Variants in KIF21A observed in about 807,000 individuals in gnomAD.
KIF21A encodes the protein kinesin-like protein KIF21A.
Under a neutral mutation model 202.9 loss-of-function variants are expected in KIF21A, and 114 were observed. The ratio of observed to expected loss-of-function variants is 0.56; its 90% CI spans 0.48 to 0.66. The LOEUF (loss-of-function observed/expected upper bound fraction) is 0.66, where lower values mean the gene tolerates loss of function less well. KIF21A is among the 30% of genes least tolerant of loss of function. The probability of loss-of-function intolerance (pLI) is 0.00; values close to 1 mark genes in which losing one functional copy is unlikely to be tolerated. For synonymous variants in KIF21A, 667 were observed against 670.8 expected (o/e 0.99, Z 0.09); for missense variants, 1,677 against 1,994.9 (o/e 0.84, Z 3.04).
chr12:39,341,182 C>G (rs957691982), intron 14 of KIF21A, 88 bp from the exon 15 acceptor site: 1 of 1,071,850 alleles, frequency 9.3e-7, no homozygotes, highest in Admixed American at 2.1e-5. Context: ...AAACCATCAA[C>G]TAGGTATTTT....
intron 10 of KIF21A, among the ~76,000 whole-genome samples, chr12:39,352,512 G>A (rs1407236712): frequency 6.6e-6 from 1 of 151,998 alleles, no homozygotes; most frequent in Non-Finnish European, 1.5e-5. Context: ...AGATGCCAGT[G>A]GTAATTAGAT....
intron 12 of KIF21A, 112 bp from the exon 13 acceptor site, chr12:39,342,236 G>A (rs1395012963): frequency 2.6e-6 from 2 of 769,426 alleles, no homozygotes; most frequent in East Asian, 2.7e-5. Flanking sequence ...AACTTTAAAT[G>A]TTGGTCACTT....
chr12:39,368,807 A>C (rs1949772445), intron 3 of KIF21A, among the ~76,000 whole-genome samples: 1 of 152,050 alleles, frequency 6.6e-6, no homozygotes. Flanking sequence ...TTCATCAATG[A>C]TGAAAATGAT....
At chr12:39,370,849 A>C (rs868393287) in intron 1 of KIF21A, among the ~76,000 whole-genome samples, 9 of 152,148 alleles carry the variant, frequency 5.9e-5, no homozygotes, top group Admixed American at 2.6e-4. Context: ...ATGTCCTACT[A>C]TATTGATTTG....
At chr12:39,309,115 C>G (rs756812071) in intron 33 of KIF21A, among the ~76,000 whole-genome samples, 31 of 152,132 alleles carry the variant, frequency 2.0e-4, no homozygotes, top group Non-Finnish European at 3.5e-4. Context: ...AATTTGTACT[C>G]ACACCAAAGC....
intron 11 of KIF21A, 77 bp downstream of exon 11, chr12:39,351,700 A>G (rs1948393856): frequency 1.2e-6 from 1 of 853,598 alleles, no homozygotes; most frequent in African/African-American, 1.7e-5. Context: ...GAGACTATGT[A>G]TGCTCTTTAT....
chr12:39,407,115 C>G (rs1244873471), intron 1 of KIF21A, among the ~76,000 whole-genome samples: 1 of 152,184 alleles, frequency 6.6e-6, no homozygotes, highest in East Asian at 1.9e-4. Context: ...ATTATTCCTT[C>G]CAGCTCCTGC....
intron 1 of KIF21A, among the ~76,000 whole-genome samples, chr12:39,425,100 T>C (rs73088817): frequency 6.6e-6 from 1 of 152,176 alleles, no homozygotes; most frequent in African/African-American, 2.4e-5. Context: ...TTTGCTGGAA[T>C]GCTGTTCTCT....
At chr12:39,334,688 G>T (rs1350530622) in intron 17 of KIF21A, among the ~76,000 whole-genome samples, 3 of 152,028 alleles carry the variant, frequency 2.0e-5, no homozygotes, top group Non-Finnish European at 4.4e-5. Context: ...CTTTCTAAGG[G>T]TTCAAAGATG....
intron 10 of KIF21A, 123 bp downstream of exon 10, chr12:39,356,709 C>T (rs944927544): frequency 1.7e-6 from 1 of 584,624 alleles, no homozygotes; most frequent in African/African-American, 1.9e-5. Flanking sequence ...GTTAACCTAA[C>T]CAAAGGGCTG....
In KIF21A at chr12:39,351,886, T is replaced by A; in HGVS notation, c.1564A>T (p.Thr522Ser). 6.2e-7 allele frequency: 1 copy of A among 1,613,230 alleles called. No homozygotes were observed. Among genetic ancestry groups the A allele is most frequent in the Non-Finnish European group, 8.5e-7 (1 of 1,179,350 alleles). ...GAGGATAGTATGGTAGGAGAAAAAG[T>A]TGATGATCCGCTGAAATATGGCGCT... ...ARAPYFSGSS[T>S]FSPTILSSDK... The change falls in exon 11 of 38, where the codon ACT becomes TCT. Residue 522 changes from threonine to serine, a missense_variant. Thr to Ser is a moderately conservative substitution (Grantham distance 58). Coordinates refer to ENST00000361418, the MANE Select transcript of KIF21A (RefSeq NM_001173464.2).
At chr12:39,423,928 G>C (rs1342373855) in intron 1 of KIF21A, among the ~76,000 whole-genome samples, 1 of 138,664 alleles carries the variant, frequency 7.2e-6, no homozygotes, top group East Asian at 2.3e-4. Context: ...AGGTTGCAGT[G>C]AGCCGAGATT....
At chr12:39,396,249 C>T (rs1951751578) in intron 1 of KIF21A, among the ~76,000 whole-genome samples, 1 of 152,138 alleles carries the variant, frequency 6.6e-6, no homozygotes, top group Non-Finnish European at 1.5e-5. Flanking sequence ...CTTTAAAATG[C>T]TTTTTGGTTT....
chr12:39,371,202 G>A (rs546294225), intron 1 of KIF21A, among the ~76,000 whole-genome samples: 230 of 152,074 alleles, frequency 1.5e-3, no homozygotes, highest in Non-Finnish European at 1.9e-3. Flanking sequence ...CTGTGGTTGT[G>A]GAACCCCTGA....
chr12:39,330,051 A>T, intron 24 of KIF21A, 191 bp downstream of exon 24: 1 of 539,812 alleles, frequency 1.9e-6, no homozygotes, highest in Admixed American at 3.2e-5. Flanking sequence ...ACATCTAAGG[A>T]TTTTAAAATC....
chr12:39,413,246 G>T (rs956210785), intron 1 of KIF21A, among the ~76,000 whole-genome samples: 3 of 152,106 alleles, frequency 2.0e-5, no homozygotes, highest in Admixed American at 1.3e-4. Context: ...TGACCCCGTA[G>T]TATCTAAAAA....
chr12:39,355,707 T>TTATACATATATATATATATATATATA (rs1555172725), intron 10 of KIF21A, among the ~76,000 whole-genome samples: 20 of 101,228 alleles, frequency 2.0e-4, no homozygotes, highest in African/African-American at 9.7e-4. Context: ...GCATGAACAA[T>TTATACATATATATATATATATATATA]TATATATATA....
At position 39,332,914 on chromosome 12, in the gene KIF21A, G is replaced by A. The variant is rs145533806; in HGVS notation, c.2681C>T (p.Thr894Met). 2.0e-4 allele frequency: 327 copies of A among 1,613,888 alleles called. 2 individuals are homozygous for A. In the African/African-American group the frequency reaches 3.7e-3, roughly 18 times the overall value. ...AGACCTGTTTCCATTTGTTGCCGGCGTTGGTAAGGCCTGGACTCTCGCCAC... is the reference window on the plus strand; with the variant it reads ...AGACCTGTTTCCATTTGTTGCCGGCATTGGTAAGGCCTGGACTCTCGCCAC... ...IPVARVQALPTPATNGNRKKY... is the reference protein window; with the variant it reads ...IPVARVQALPMPATNGNRKKY... The change falls in exon 19 of 38, where the codon ACG becomes ATG. Residue 894 changes from threonine to methionine, a missense_variant. Coordinates refer to ENST00000361418, the MANE Select transcript of KIF21A (RefSeq NM_001173464.2).
At chr12:39,343,431 T>C (rs1947620793) in intron 12 of KIF21A, among the ~76,000 whole-genome samples, 1 of 152,004 alleles carries the variant, frequency 6.6e-6, no homozygotes, top group South Asian at 2.1e-4. Flanking sequence ...TAATGCAATA[T>C]TCTAAAAGTA....
Sources: gnomAD v4.1 joint callset for allele counts (sites outside exome capture counted in the v4.1 genomes callset) on GRCh38, gnomAD v4.1.1 for gene constraint, MANE v1.5 for transcripts, NCBI Gene and HGNC (gene_info 2026-07-23, HGNC 2026-07-21) for gene names.